Variants in SLC7A14 observed in about 807,000 individuals in gnomAD.
SLC7A14 encodes solute carrier family 7 member 14.
A neutral mutation model predicts 60.2 loss-of-function variants in SLC7A14; 37 were observed. The observed-to-expected ratio is 0.61, with a 90% CI of 0.47 to 0.81. The LOEUF (loss-of-function observed/expected upper bound fraction) is 0.81. Ranked by LOEUF, SLC7A14 falls within the 30% of genes least tolerant of loss-of-function variation. SLC7A14 has a pLI of 0.00. For synonymous variants in SLC7A14, 399 were observed against 395.8 expected, an observed-to-expected ratio of 1.01 and a Z score of -0.10; for missense variants, 886 against 982.7, an observed-to-expected ratio of 0.90 and a Z score of 1.32.
chr3:170,563,221 T>TA (rs1296616762), intron 1 of SLC7A14, among the ~76,000 whole-genome samples: 5 of 152,020 alleles, frequency 3.3e-5, no homozygotes, highest in African/African-American at 7.2e-5. Context: ...CCTTCCATTT[T>TA]AAAAAAAGTC....
At chr3:170,553,760 C>T (rs751257442) in intron 1 of SLC7A14, among the ~76,000 whole-genome samples, 6 of 152,002 alleles carry the variant, frequency 3.9e-5, no homozygotes, top group Non-Finnish European at 7.4e-5. Flanking sequence ...TATGTTTAAG[C>T]GACTTGCTTG....
chr3:170,584,743 C>G (rs868626525), intron 1 of SLC7A14, among the ~76,000 whole-genome samples: 2 of 152,120 alleles, frequency 1.3e-5, no homozygotes, highest in African/African-American at 4.8e-5. Context: ...TGCACTCAGT[C>G]GGAGGAGGAG....
chr3:170,532,027 A>T lies in SLC7A14; in HGVS notation c.-152-4939T>A, dbSNP rs1713693759. On this transcript the variant is annotated intron_variant, in intron 1 of 7. Coordinates refer to ENST00000231706, the MANE Select transcript of SLC7A14 (RefSeq NM_020949.3). The surrounding 1 kb of genome is among the most constrained non-coding windows in gnomAD (Gnocchi z 4.0). Reference sequence around the variant, plus strand: ...TGAGGAGAGGAAGGAAACGAAGGCTAACAAAACAGTAAACAGCCAGTAATC... The same window carrying T: ...TGAGGAGAGGAAGGAAACGAAGGCTTACAAAACAGTAAACAGCCAGTAATC... Among the ~76,000 whole-genome samples the T allele has an allele frequency of 6.6e-6, 1 of 152,188 alleles. No individual in the cohort carries two copies. Among genetic ancestry groups the T allele is most frequent in the African/African-American group, 2.4e-5 (1 of 41,444 alleles).
intron 1 of SLC7A14, among the ~76,000 whole-genome samples, chr3:170,574,470 T>A (rs370486526): frequency 9.9e-5 from 15 of 152,192 alleles, no homozygotes; most frequent in African/African-American, 3.6e-4. Flanking sequence ...TACAGTAAAC[T>A]CTGGGTGAGC....
chr3:170,513,521 T>A (rs1433996471), intron 2 of SLC7A14, among the ~76,000 whole-genome samples: 2 of 152,254 alleles, frequency 1.3e-5, no homozygotes, highest in African/African-American at 2.4e-5. Flanking sequence ...TGCATACATA[T>A]GTAAATGTAT....
chr3:170,495,734 C>T lies in SLC7A14; in HGVS notation c.759+2933G>A, dbSNP rs1300626219. 4 of 1,159,798 alleles carry T rather than the reference C, an allele frequency of 3.4e-6. No individual in the cohort carries two copies. In the East Asian group the frequency reaches 7.0e-5, roughly 20 times the overall value. The allele number at this position is 1,159,798 out of a possible 1,614,324, so 71.8% of individuals were successfully genotyped here. A position where few individuals can be genotyped will look rare whatever the true frequency, so the allele number is the denominator to read the frequency against. ...AGGAGAAGGAGCAGATCAAGACCCT[C>T]AACAACAAGTTTGCCTCCTTCATCG... On this transcript the variant is annotated intron_variant, in intron 4 of 7. Coordinates refer to ENST00000231706, the MANE Select transcript of SLC7A14 (RefSeq NM_020949.3).
intron 2 of SLC7A14, among the ~76,000 whole-genome samples, chr3:170,524,241 C>T (rs1221852327): frequency 6.6e-6 from 1 of 152,198 alleles, no homozygotes; most frequent in Non-Finnish European, 1.5e-5. Flanking sequence ...GCCAAGTTAA[C>T]AGCATGACAT....
In SLC7A14 at chr3:170,480,331, A is replaced by G; in HGVS notation, c.1951T>C (p.Ser651Pro). Residue 651 changes from serine (S) to proline (P), a missense_variant, in exon 7 of 8, where the codon TCC becomes CCC. Transcript: ENST00000231706. ...GCAAACCGGATCCATGTGATGGTGG[A>G]GAGCTTTAGCATGAGATAGATGTTC... Reference protein sequence around the residue: ...LVNIYLMLKLSTITWIRFAVW... With the variant: ...LVNIYLMLKLPTITWIRFAVW... 6.4e-7 allele frequency: 1 copy of G among 1,561,786 alleles called. No homozygotes were observed. Among genetic ancestry groups the G allele is most frequent in the Non-Finnish European group, 8.7e-7 (1 of 1,153,808 alleles).
intron 1 of SLC7A14, among the ~76,000 whole-genome samples, chr3:170,550,260 A>G (rs189302124): frequency 2.0e-5 from 3 of 152,352 alleles, no homozygotes; most frequent in East Asian, 3.9e-4. Context: ...TATAATATGA[A>G]GAAGAACTAG....
rs561042682 is a variant in SLC7A14 at position 170,470,341 on chromosome 3, T to TG, written c.1994-2965dup. The stretch of plus-strand genomic sequence containing the variant: ...GTGTGTGTGTGTGTGTGTGTGTGTA[T>TG]GTGTGTGTGTCTGTGTCTGCGCGCT... On this transcript the variant is annotated intron_variant, in intron 7 of 7. Coordinates refer to ENST00000231706, the MANE Select transcript of SLC7A14 (RefSeq NM_020949.3). Among the ~76,000 whole-genome samples the TG allele has an allele frequency of 2.0e-3, 309 of 150,818 alleles. 2 individuals are homozygous for TG. The highest frequency in any genetic ancestry group is 6.8e-3 in the African/African-American group (276 of 40,790).
chr3:170,577,531 T>TGAA, intron 1 of SLC7A14, among the ~76,000 whole-genome samples: 1 of 143,784 alleles, frequency 7.0e-6, no homozygotes. Context: ...GGCAGGAGAA[T>TGAA]GGCGTGAACC....
chr3:170,474,179 G>A (rs1046917731), intron 7 of SLC7A14, among the ~76,000 whole-genome samples: 1 of 152,176 alleles, frequency 6.6e-6, no homozygotes, highest in Admixed American at 6.5e-5. Context: ...GAAACTACAA[G>A]CAACAATGGG....
In SLC7A14 at chr3:170,486,444, G is replaced by T. The variant is rs1712034594; in HGVS notation, c.760-76C>A. On this transcript the variant is annotated intron_variant, in intron 4 of 7. Transcript: ENST00000231706. ...GGTCTTAAATGTGGAAAGTGCAATTGCTCTATGCCCTGCAGACATGACTGA... is the reference window on the plus strand; with the variant it reads ...GGTCTTAAATGTGGAAAGTGCAATTTCTCTATGCCCTGCAGACATGACTGA... 1.9e-6 allele frequency: 3 copies of T among 1,583,972 alleles called. No homozygotes were observed. The Admixed American group carries it at 5.0e-5, about 27-fold the overall frequency.
At chr3:170,501,046 A>G in intron 3 of SLC7A14, 63 bp downstream of exon 3, 2 of 1,527,370 alleles carry the variant, frequency 1.3e-6, no homozygotes, top group East Asian at 2.3e-5. Context: ...TTCTGAAAGG[A>G]GAACTCATTT....
intron 1 of SLC7A14, among the ~76,000 whole-genome samples, chr3:170,582,154 T>G (rs1267107644): frequency 1.3e-5 from 2 of 152,184 alleles, no homozygotes; most frequent in South Asian, 4.1e-4. Flanking sequence ...CTAGGTATCT[T>G]TGGGCTACTG....
Position 170,466,157 on chromosome 3 carries a change from C to G in SLC7A14, c.*898G>C, listed in dbSNP as rs1235049366. On this transcript the variant is annotated 3_prime_UTR_variant, in exon 8 of 8. Coordinates refer to ENST00000231706, the MANE Select transcript of SLC7A14 (RefSeq NM_020949.3). ...TTTGCAATGTGATCTCAGTGGCTGG[C>G]TCACTTCTCCTTGTAAAAATTTTTA... is the stretch of plus-strand genomic sequence containing the variant. 3 of 152,170 alleles carry G rather than the reference C, an allele frequency of 2.0e-5. No homozygotes were observed. Among genetic ancestry groups the G allele is most frequent in the Non-Finnish European group, 4.4e-5 (3 of 68,038 alleles). The allele number at this position is 152,170 out of a possible 1,614,324, so 9.4% of individuals were successfully genotyped here. A position where few individuals can be genotyped will look rare whatever the true frequency, so the allele number is the denominator to read the frequency against.
intron 5 of SLC7A14, among the ~76,000 whole-genome samples, chr3:170,484,557 C>T (rs1201739142): frequency 1.3e-5 from 2 of 152,224 alleles, no homozygotes; most frequent in African/African-American, 4.8e-5. Context: ...GCCAAATTGA[C>T]ATCAAGAAGG....
intron 4 of SLC7A14, among the ~76,000 whole-genome samples, chr3:170,489,157 C>T (rs1712134151): frequency 6.6e-6 from 1 of 152,166 alleles, no homozygotes; most frequent in Non-Finnish European, 1.5e-5. Flanking sequence ...ATACAACCAA[C>T]AAAGTGAAGA....
intron 4 of SLC7A14, among the ~76,000 whole-genome samples, chr3:170,498,371 A>G (rs1217375012): frequency 1.3e-5 from 2 of 152,226 alleles, no homozygotes; most frequent in African/African-American, 4.8e-5. Flanking sequence ...TAAATGAGAT[A>G]GTACGTGCAA....
Sources: gnomAD v4.1 joint callset for allele counts (sites outside exome capture counted in the v4.1 genomes callset) on GRCh38, gnomAD v4.1.1 for gene constraint, Gnocchi (gnomAD v3.1) non-coding constraint, MANE v1.5 for transcripts, NCBI Gene and HGNC (gene_info 2026-07-23, HGNC 2026-07-21) for gene names.